The following ACAD11 variants were observed in gnomAD, a reference collection of about 807,000 sequenced individuals.
ACAD11 encodes acyl-Coenzyme A dehydrogenase family, member 11.
ACAD11 carries 83 observed loss-of-function variants against 102.2 expected under a neutral mutation model. The ratio of observed to expected loss-of-function variants is 0.81; its 90% CI spans 0.68 to 0.97. The LOEUF (loss-of-function observed/expected upper bound fraction) is 0.97. Among genes scored for constraint, ACAD11 ranks in the 50% least tolerant of loss-of-function variants. The pLI is 0.00. For synonymous variants in ACAD11, 324 were observed against 319.8 expected (o/e 1.01, Z -0.14); for missense variants, 901 against 951.7 (o/e 0.95, Z 0.70).
rs113137273 is a variant in ACAD11 at position 132,641,968 on chromosome 3, T to C, written c.537+4A>G. On this transcript the variant is annotated splice_donor_region_variant and intron_variant, in intron 4 of 19. Transcript: ENST00000264990. ...AAAAATAGCTATTAATGTGGATGCA[T>C]TACCTGTCTTTTGCAGTACCCAGCA... 1 of 1,596,720 alleles carries C rather than the reference T, an allele frequency of 6.3e-7. No homozygotes were observed. Among genetic ancestry groups the C allele is most frequent in the South Asian group, 1.1e-5 (1 of 88,696 alleles).
rs1210803907 is a variant in ACAD11 at position 132,642,122 on chromosome 3, G to A, written c.387C>T (p.Phe129=). The change falls in exon 4 of 20, where the codon TTC becomes TTT. Residue 129 remains phenylalanine, a synonymous_variant. Transcript: ENST00000264990. The part of the protein sequence containing the change: ...YVMEHVQGRI[F]RDLTIPGLSP... ...TAAGTCCAGGAATTGTTAAATCACG[G>A]AAGATTCGACCCTATGGAAGTGATT... 1 of 1,613,714 alleles carries A rather than the reference G, an allele frequency of 6.2e-7. No homozygotes were observed. Among genetic ancestry groups the A allele is most frequent in the Non-Finnish European group, 8.5e-7 (1 of 1,179,822 alleles).
At chr3:132,561,796 A>G (rs1436085529) in intron 17 of ACAD11, among the ~76,000 whole-genome samples, 1 of 152,154 alleles carries the variant, frequency 6.6e-6, no homozygotes, top group Non-Finnish European at 1.5e-5. Context: ...TCTCCCACAG[A>G]ACTCCCTGGT....
chr3:132,590,454 C>T (rs999723264), intron 13 of ACAD11, among the ~76,000 whole-genome samples: 1 of 152,040 alleles, frequency 6.6e-6, no homozygotes, highest in African/African-American at 2.4e-5. Flanking sequence ...GCCATGTTGG[C>T]CAGGCTGGTC....
At chr3:132,587,143 A>G (rs1937876901) in intron 13 of ACAD11, among the ~76,000 whole-genome samples, 1 of 152,198 alleles carries the variant, frequency 6.6e-6, no homozygotes, top group Non-Finnish European at 1.5e-5. Flanking sequence ...CACTGACATT[A>G]GACAACAAAG....
chr3:132,580,606 G>T (rs1342187448), intron 13 of ACAD11, among the ~76,000 whole-genome samples: 1 of 151,978 alleles, frequency 6.6e-6, no homozygotes, highest in Non-Finnish European at 1.5e-5. Context: ...AATGTGAATA[G>T]TTATTGGAAA....
intron 11 of ACAD11, among the ~76,000 whole-genome samples, chr3:132,612,991 G>A (rs1464881978): frequency 6.6e-6 from 1 of 152,062 alleles, no homozygotes; most frequent in African/African-American, 2.4e-5. Context: ...GTCCAACAAT[G>A]ATAGACTGGA....
At chr3:132,631,662 G>A (rs1487411435) in intron 5 of ACAD11, among the ~76,000 whole-genome samples, 183 bp from the exon 6 acceptor site, 1 of 152,156 alleles carries the variant, frequency 6.6e-6, no homozygotes, top group Non-Finnish European at 1.5e-5. Context: ...ATAGAGCTAA[G>A]TCCTCTGGTT....
At chr3:132,645,886 C>T (rs1269496244) in intron 1 of ACAD11, 1 of 152,204 alleles carries the variant, frequency 6.6e-6, no homozygotes, top group Non-Finnish European at 1.5e-5. Flanking sequence ...GAGATAATCA[C>T]CAGTGGTCAG....
chr3:132,635,496 T>C (rs749242353), intron 5 of ACAD11, among the ~76,000 whole-genome samples: 3 of 152,198 alleles, frequency 2.0e-5, no homozygotes, highest in Non-Finnish European at 4.4e-5. Flanking sequence ...TGTGGAAATA[T>C]GGGCTTTGGA....
At chr3:132,583,417 T>C (rs1937650697) in intron 13 of ACAD11, among the ~76,000 whole-genome samples, 1 of 152,250 alleles carries the variant, frequency 6.6e-6, no homozygotes, top group South Asian at 2.1e-4. Context: ...CATTTTTTAT[T>C]GCATCTATTT....
At chr3:132,631,180 C>T (rs1940025659) in intron 6 of ACAD11, among the ~76,000 whole-genome samples, 161 bp downstream of exon 6, 1 of 151,564 alleles carries the variant, frequency 6.6e-6, no homozygotes, top group Non-Finnish European at 1.5e-5. Flanking sequence ...AAAGAATTAT[C>T]TTCAACAAAA....
chr3:132,654,163 C>G (rs548854298), intron 1 of ACAD11, among the ~76,000 whole-genome samples: 1 of 152,310 alleles, frequency 6.6e-6, no homozygotes, highest in African/African-American at 2.4e-5. Context: ...CTCTTCCTTT[C>G]CTAGCCCACA....
chr3:132,596,662 A>G (rs753391464), intron 13 of ACAD11, among the ~76,000 whole-genome samples: 1 of 152,156 alleles, frequency 6.6e-6, no homozygotes, highest in Non-Finnish European at 1.5e-5. Flanking sequence ...AGGATTTTGA[A>G]GGTTCATATT....
chr3:132,578,568 T>G, intron 15 of ACAD11: 1 of 173,152 alleles, frequency 5.8e-6, no homozygotes, highest in Non-Finnish European at 1.2e-5. Context: ...AGAATTTATA[T>G]TCTATAAATT....
intron 17 of ACAD11, among the ~76,000 whole-genome samples, chr3:132,562,165 C>T (rs142357803): frequency 0.018 from 2,690 of 152,242 alleles, 98 homozygotes; most frequent in African/African-American, 0.062. Context: ...AGTGCAGTGG[C>T]GCCATCTCAG....
chr3:132,629,029 A>T (rs544128474), intron 7 of ACAD11, among the ~76,000 whole-genome samples: 1 of 152,244 alleles, frequency 6.6e-6, no homozygotes, highest in Non-Finnish European at 1.5e-5. Flanking sequence ...AATTCCTTAT[A>T]TAATAAAACA....
At position 132,558,799 on chromosome 3, in the gene ACAD11, C is replaced by A. The variant is rs762117603; in HGVS notation, c.*172G>T. 1.8e-6 allele frequency: 1 copy of A among 569,086 alleles called. No homozygotes were observed. The highest frequency in any genetic ancestry group is 3.1e-6 in the Non-Finnish European group (1 of 325,914). The allele number at this position is 569,086 out of a possible 1,614,324, so 35.3% of individuals were successfully genotyped here. On this transcript the variant is annotated 3_prime_UTR_variant, in exon 20 of 20. Coordinates refer to ENST00000264990, the MANE Select transcript of ACAD11 (RefSeq NM_032169.5). The stretch of plus-strand genomic sequence containing the variant: ...TCTTACTGAACTTAACCCTGTGTGA[C>A]CCTTGAAATAATAAAACCCACTGAT...
intron 17 of ACAD11, 67 bp from the exon 18 acceptor site, chr3:132,561,284 A>G (rs1234559408): frequency 8.7e-7 from 1 of 1,156,066 alleles, no homozygotes; most frequent in South Asian, 1.2e-5. Context: ...CACGTGTAAC[A>G]CAGTCTTATA....
chr3:132,594,095 T>C (rs1938198289), intron 13 of ACAD11, among the ~76,000 whole-genome samples: 2 of 152,172 alleles, frequency 1.3e-5, no homozygotes, highest in Admixed American at 6.5e-5. Flanking sequence ...TACACTATGA[T>C]TTATACACAG....
Sources: gnomAD v4.1 joint callset for allele counts (sites outside exome capture counted in the v4.1 genomes callset) on GRCh38, gnomAD v4.1.1 for gene constraint, MANE v1.5 for transcripts, NCBI Gene and HGNC (gene_info 2026-07-23, HGNC 2026-07-21) for gene names.